Variants in GPC6 observed in about 807,000 individuals in gnomAD.
The protein encoded by GPC6 is glypican 6.
In GPC6, 14 loss-of-function variants were observed where a neutral mutation model predicts 55.2. That is an observed-to-expected ratio of 0.25 (90% confidence interval 0.17 to 0.40). The LOEUF (loss-of-function observed/expected upper bound fraction) is 0.40. Among genes scored for constraint, GPC6 ranks in the 10% least tolerant of loss-of-function variants. The pLI, the probability that GPC6 is intolerant of heterozygous loss-of-function variation, is 1.00. For missense variants in GPC6, 641 were observed against 708.5 expected (o/e 0.90, Z 1.08); for synonymous variants, 278 against 259.6 (o/e 1.07, Z -0.68).
At chr13:93,540,574 A>T (rs553645226) in intron 1 of GPC6, among the ~76,000 whole-genome samples, 1 of 152,294 alleles carries the variant, frequency 6.6e-6, no homozygotes, top group South Asian at 2.1e-4. Flanking sequence ...TTATACAATT[A>T]TACATATTTA....
chr13:94,103,436 G>T lies in GPC6; in HGVS notation c.877+75542G>T, dbSNP rs141017605. ...ATCACTGGGTCAAATGGTATTTCTA[G>T]TTCTAGATCCTTGAGGAATTGCCAC... On this transcript the variant is annotated intron_variant, in intron 4 of 8. Coordinates refer to ENST00000377047, the MANE Select transcript of GPC6 (RefSeq NM_005708.5). 6.5e-3 allele frequency among the ~76,000 whole-genome samples: 992 copies of T among 152,208 alleles called. 13 individuals are homozygous for T. The highest frequency in any genetic ancestry group is 0.023 in the African/African-American group (955 of 41,522).
intron 2 of GPC6, among the ~76,000 whole-genome samples, chr13:93,773,487 A>C (rs1056341885): frequency 6.6e-6 from 1 of 151,952 alleles, no homozygotes; most frequent in Non-Finnish European, 1.5e-5. Context: ...ACGTACCCCA[A>C]AATCTTTCCA....
At chr13:93,622,891 A>C (rs111713922) in intron 2 of GPC6, among the ~76,000 whole-genome samples, 61 of 152,142 alleles carry the variant, frequency 4.0e-4, no homozygotes, top group African/African-American at 1.4e-3. Context: ...CCCATTAACC[A>C]ATCTCTCCCC....
chr13:93,448,008 G>C (rs960660564), intron 1 of GPC6, among the ~76,000 whole-genome samples: 15 of 152,058 alleles, frequency 9.9e-5, no homozygotes, highest in Admixed American at 2.0e-4. Context: ...TCTTGTACAT[G>C]ATTCTGCACA....
chr13:94,125,774 C>A (rs950336007), intron 4 of GPC6, among the ~76,000 whole-genome samples: 1 of 151,376 alleles, frequency 6.6e-6, no homozygotes, highest in Admixed American at 6.6e-5. Flanking sequence ...AAGAAATGAG[C>A]GTGGAGCACT....
chr13:93,646,830 AT>A (rs1360913364), intron 2 of GPC6, among the ~76,000 whole-genome samples: 1 of 151,340 alleles, frequency 6.6e-6, no homozygotes, highest in Non-Finnish European at 1.5e-5. Flanking sequence ...AAATAATTAG[AT>A]TTTTTGGTTC....
At chr13:93,259,017 G>A (rs1291232038) in intron 1 of GPC6, among the ~76,000 whole-genome samples, 2 of 152,108 alleles carry the variant, frequency 1.3e-5, no homozygotes, top group Admixed American at 1.3e-4. Context: ...GAAAATAATG[G>A]TATGTATCTG....
intron 6 of GPC6, among the ~76,000 whole-genome samples, chr13:94,341,508 C>T (rs531835634): frequency 4.7e-5 from 7 of 149,754 alleles, no homozygotes; most frequent in East Asian, 2.0e-4. Flanking sequence ...ATTGCTTAAC[C>T]GGGGAGGTGG....
chr13:93,237,092 G>A (rs574208356), intron 1 of GPC6, among the ~76,000 whole-genome samples: 1 of 152,260 alleles, frequency 6.6e-6, no homozygotes, highest in Non-Finnish European at 1.5e-5. Flanking sequence ...ACCCAATAGT[G>A]GGATTGCTGG....
chr13:94,088,269 A>G (rs983441911), intron 4 of GPC6, among the ~76,000 whole-genome samples: 24 of 152,202 alleles, frequency 1.6e-4, no homozygotes, highest in African/African-American at 4.8e-4. Flanking sequence ...AGCCTGATAC[A>G]TGGTAAATGC....
At chr13:94,072,682 T>G (rs1884778504) in intron 4 of GPC6, among the ~76,000 whole-genome samples, 1 of 152,202 alleles carries the variant, frequency 6.6e-6, no homozygotes, top group African/African-American at 2.4e-5. Context: ...TTCTCTACCT[T>G]TTAAAGCACT....
chr13:93,542,989 C>G (rs543853454), intron 1 of GPC6, among the ~76,000 whole-genome samples: 94 of 152,288 alleles, frequency 6.2e-4, no homozygotes, highest in Non-Finnish European at 1.2e-3. Context: ...ATTTGACTTC[C>G]TCTTTTCCTA....
intron 4 of GPC6, among the ~76,000 whole-genome samples, chr13:94,252,211 A>G (rs1394393529): frequency 6.6e-6 from 1 of 152,090 alleles, no homozygotes; most frequent in Non-Finnish European, 1.5e-5. Context: ...GTTATATAAA[A>G]CCTTGATTTA....
rs370887466 is a variant in GPC6, at chr13:94,340,574, T to C, written c.1152+34451T>C. Among the ~76,000 whole-genome samples the C allele has an allele frequency of 3.5e-4, 54 of 152,316 alleles. No homozygotes were observed. In the East Asian group the frequency reaches 8.7e-3, roughly 25 times the overall value. ...CTCCAAAGGCATGTATATATTGTGA[T>C]AGATACATGTGTATACATGATGTGT... On this transcript the variant is annotated intron_variant, in intron 6 of 8. Coordinates refer to ENST00000377047, the MANE Select transcript of GPC6 (RefSeq NM_005708.5).
intron 2 of GPC6, among the ~76,000 whole-genome samples, chr13:93,792,395 C>T (rs1886069302): frequency 6.6e-6 from 1 of 152,234 alleles, no homozygotes; most frequent in African/African-American, 2.4e-5. Flanking sequence ...ACTGCAGCCT[C>T]CGCCTCCCAG....
intron 4 of GPC6, among the ~76,000 whole-genome samples, chr13:94,098,834 A>G (rs1265794456): frequency 6.6e-6 from 1 of 152,162 alleles, no homozygotes; most frequent in African/African-American, 2.4e-5. Flanking sequence ...TATTATATAT[A>G]TATTATTTCT....
chr13:93,791,627 C>T (rs1886037896), intron 2 of GPC6, among the ~76,000 whole-genome samples: 1 of 151,600 alleles, frequency 6.6e-6, no homozygotes, highest in African/African-American at 2.4e-5. Context: ...TTTTTCATGG[C>T]ACATTAATTA....
At chr13:93,885,402 G>C (rs1477240377) in intron 3 of GPC6, among the ~76,000 whole-genome samples, 1 of 150,078 alleles carries the variant, frequency 6.7e-6, no homozygotes, top group African/African-American at 2.5e-5. Flanking sequence ...GGACCAGAAA[G>C]ACAGAAGAGG....
intron 3 of GPC6, among the ~76,000 whole-genome samples, chr13:93,850,147 CAGT>C (rs1888344079): frequency 1.3e-5 from 2 of 152,122 alleles, no homozygotes; most frequent in African/African-American, 4.8e-5. Context: ...AAAAGACAAT[CAGT>C]AGGTTTGGCC....
Sources: allele counts gnomAD v4.1 joint callset (sites outside exome capture counted in the v4.1 genomes callset), GRCh38; gene constraint gnomAD v4.1.1; transcripts MANE v1.5; gene names NCBI Gene and HGNC (gene_info 2026-07-23, HGNC 2026-07-21).